Variants in ACVR1C observed in about 807,000 individuals in gnomAD.
ACVR1C encodes activin A receptor type 1C.
In ACVR1C, 23 loss-of-function variants were observed where a neutral mutation model predicts 57.9. The observed-to-expected ratio is 0.40, with a 90% CI of 0.29 to 0.56. The LOEUF (loss-of-function observed/expected upper bound fraction) is 0.56, where lower values mean the gene tolerates loss of function less well. Among genes scored for constraint, ACVR1C ranks in the 20% least tolerant of loss-of-function variants. The probability of loss-of-function intolerance (pLI) is 0.50; values close to 1 mark genes in which losing one functional copy is unlikely to be tolerated. For missense variants in ACVR1C, 480 were observed against 607.9 expected, an observed-to-expected ratio of 0.79 and a Z score of 2.21; for synonymous variants, 214 against 215.3, an observed-to-expected ratio of 0.99 and a Z score of 0.05.
At position 157,534,017 on chromosome 2, in the gene ACVR1C, C is replaced by T. The variant is rs773114626; in HGVS notation, c.1383G>A (p.Met461Ile). ...CEALRVMGRIMRECWYANGAA... is the reference protein window; with the variant it reads ...CEALRVMGRIIRECWYANGAA... ...CTCCGTTGGCATACCAACACTCACG[C>T]ATTATTCTCCCCATGACTCGGAGTG... The change falls in exon 9 of 9, where the codon ATG becomes ATA. Residue 461 changes from methionine to isoleucine, a missense_variant. By Grantham distance (10) the Met-to-Ile change is conservative. Coordinates refer to ENST00000243349, the MANE Select transcript of ACVR1C (RefSeq NM_145259.3). The T allele has an allele frequency of 6.3e-7, 1 of 1,579,910 alleles. No individual in the cohort carries two copies. Among genetic ancestry groups the T allele is most frequent in the East Asian group, 2.3e-5 (1 of 43,526 alleles).
At chr2:157,603,514 A>C (rs1406969899) in intron 1 of ACVR1C, among the ~76,000 whole-genome samples, 1 of 152,174 alleles carries the variant, frequency 6.6e-6, no homozygotes, top group Non-Finnish European at 1.5e-5. Context: ...GTAAAGCAAG[A>C]AAAGGAGCCC....
At chr2:157,581,871 C>G (rs1056858022) in intron 2 of ACVR1C, among the ~76,000 whole-genome samples, 1 of 152,156 alleles carries the variant, frequency 6.6e-6, no homozygotes, top group Non-Finnish European at 1.5e-5. Context: ...TCTATATTTC[C>G]TGTTTTGTGA....
intron 2 of ACVR1C, among the ~76,000 whole-genome samples, chr2:157,564,604 G>A (rs577214540): frequency 2.6e-5 from 4 of 151,946 alleles, no homozygotes; most frequent in African/African-American, 9.7e-5. Flanking sequence ...CCCATTACTG[G>A]GTATATACCC....
intron 1 of ACVR1C, among the ~76,000 whole-genome samples, chr2:157,595,723 ATC>A (rs1429664367): frequency 2.0e-5 from 3 of 152,100 alleles, no homozygotes; most frequent in Non-Finnish European, 4.4e-5. Flanking sequence ...CTCCAACCTC[ATC>A]TCTCATAACT....
At chr2:157,535,484 A>C (rs949484155) in intron 8 of ACVR1C, among the ~76,000 whole-genome samples, 1 of 152,198 alleles carries the variant, frequency 6.6e-6, no homozygotes, top group Non-Finnish European at 1.5e-5. Flanking sequence ...GTAAAAAATG[A>C]GAATGTTTTA....
chr2:157,538,158 T>C (rs1403589937), intron 8 of ACVR1C, among the ~76,000 whole-genome samples: 1 of 152,144 alleles, frequency 6.6e-6, no homozygotes, highest in Non-Finnish European at 1.5e-5. Flanking sequence ...GTGGAAAAGA[T>C]GTGTGTCACC....
At chr2:157,623,977 T>C (rs1682841790) in intron 1 of ACVR1C, among the ~76,000 whole-genome samples, 1 of 152,172 alleles carries the variant, frequency 6.6e-6, no homozygotes, top group Admixed American at 6.5e-5. Flanking sequence ...TTTGTTTTGT[T>C]CTGTTTACTA....
intron 3 of ACVR1C, among the ~76,000 whole-genome samples, chr2:157,554,285 G>GGAAGGAAGGAAGGA (rs1558975240): frequency 1.2e-5 from 1 of 82,206 alleles, no homozygotes; most frequent in African/African-American, 6.5e-5. Flanking sequence ...GGAAGGAAGA[G>GGAAGGAAGGAAGGA]AGAGAGAGAG....
intron 2 of ACVR1C, among the ~76,000 whole-genome samples, chr2:157,572,316 T>G (rs1329496336): frequency 6.8e-6 from 1 of 146,622 alleles, no homozygotes; most frequent in African/African-American, 2.5e-5. Context: ...TGTATACATA[T>G]GTAACTAACC....
intron 1 of ACVR1C, among the ~76,000 whole-genome samples, chr2:157,592,466 A>G (rs1479445621): frequency 1.3e-5 from 2 of 152,090 alleles, no homozygotes; most frequent in Non-Finnish European, 2.9e-5. Context: ...GCACGATGAA[A>G]AACACTGGCA....
chr2:157,549,829 C>CAAAAAAAA (rs1173469291), intron 4 of ACVR1C, among the ~76,000 whole-genome samples: 305 of 47,516 alleles, frequency 6.4e-3, no homozygotes, highest in East Asian at 0.017. Context: ...ACTAAAAATA[C>CAAAAAAAA]AAAAAAAAAA....
chr2:157,541,283 A>T, intron 6 of ACVR1C, 69 bp from the exon 7 acceptor site: 3 of 1,471,068 alleles, frequency 2.0e-6, no homozygotes, highest in Non-Finnish European at 2.7e-6. Flanking sequence ...AATCTTAATA[A>T]ATTAAGATAG....
intron 7 of ACVR1C, 53 bp downstream of exon 7, chr2:157,541,037 G>A (rs1687614895): frequency 6.4e-7 from 1 of 1,574,592 alleles, no homozygotes; most frequent in Non-Finnish European, 8.6e-7. Context: ...ATCACATCTT[G>A]TATTCAGAGT....
rs191454445 is a variant in ACVR1C at position 157,599,596 on chromosome 2, T to C, written c.74-12179A>G. 5.6e-4 allele frequency among the ~76,000 whole-genome samples: 86 copies of C among 152,326 alleles called. 1 individual carries two copies. The highest frequency in any genetic ancestry group is 2.8e-4 in the Non-Finnish European group (19 of 68,022). ...AGCCTGCACACTTTGGTCTATTTTA[T>C]AGGACTTGGAAGATAGTATGCGTTT... On this transcript the variant is annotated intron_variant, in intron 1 of 8. Transcript: ENST00000243349.
At chr2:157,621,809 C>G (rs911890871) in intron 1 of ACVR1C, among the ~76,000 whole-genome samples, 1 of 152,166 alleles carries the variant, frequency 6.6e-6, no homozygotes, top group Non-Finnish European at 1.5e-5. Context: ...GACTGAATAG[C>G]CTTTCAATGG....
At chr2:157,546,479 T>C (rs181315270) in intron 4 of ACVR1C, among the ~76,000 whole-genome samples, 1 of 152,194 alleles carries the variant, frequency 6.6e-6, no homozygotes, top group South Asian at 2.1e-4. Context: ...TTATATTAGA[T>C]AAAATTAACT....
intron 2 of ACVR1C, among the ~76,000 whole-genome samples, chr2:157,561,988 C>A (rs529504762): frequency 8.5e-5 from 13 of 152,114 alleles, no homozygotes; most frequent in Admixed American, 2.0e-4. Context: ...AATTCCCAAG[C>A]AACTTCACAA....
intron 1 of ACVR1C, among the ~76,000 whole-genome samples, chr2:157,613,042 AG>A (rs532912291): frequency 9.8e-4 from 150 of 152,340 alleles, no homozygotes; most frequent in African/African-American, 3.4e-3. Context: ...TCATACAGGT[AG>A]AGGAGCTCTC....
chr2:157,566,689 A>G (rs1418847563), intron 2 of ACVR1C, among the ~76,000 whole-genome samples: 1 of 151,432 alleles, frequency 6.6e-6, no homozygotes, highest in Non-Finnish European at 1.5e-5. Context: ...ACTATATCCC[A>G]CACCTGGCTC....
Sources: gnomAD v4.1 joint callset for allele counts (sites outside exome capture counted in the v4.1 genomes callset) on GRCh38, gnomAD v4.1.1 for gene constraint, MANE v1.5 for transcripts, NCBI Gene and HGNC (gene_info 2026-07-23, HGNC 2026-07-21) for gene names.